The following PEBP4 variants were observed in gnomAD, a reference collection of about 807,000 sequenced individuals.
PEBP4 encodes the protein phosphatidylethanolamine-binding protein 4.
A neutral mutation model predicts 23.9 loss-of-function variants in PEBP4; 22 were observed. The ratio of observed to expected loss-of-function variants is 0.92; its 90% CI spans 0.66 to 1.31. PEBP4 has a LOEUF of 1.31. Among genes scored for constraint, PEBP4 ranks in the 40% most tolerant of loss-of-function variants. PEBP4 has a pLI of 0.00. For synonymous variants in PEBP4, 112 were observed against 99.3 expected, an observed-to-expected ratio of 1.13 and a Z score of -0.76; for missense variants, 324 against 281.7, an observed-to-expected ratio of 1.15 and a Z score of -1.07.
chr8:22,817,765 G>A (rs138181299), intron 3 of PEBP4, 30 bp from the exon 4 acceptor site: 136 of 1,595,050 alleles, frequency 8.5e-5, no homozygotes, highest in Middle Eastern at 3.3e-4. Flanking sequence ...AAGTAATGTA[G>A]CGTCATGGCT....
rs540952901 is a variant in PEBP4 at position 22,747,022 on chromosome 8, C to T, written c.358-19802G>A. On this transcript the variant is annotated intron_variant, in intron 4 of 6. Coordinates refer to ENST00000256404, the MANE Select transcript of PEBP4 (RefSeq NM_144962.3). ...TATAATTTTAAAATTTTTTTAGAGA[C>T]GGGGGTCTCAGCACATTGCCCAGGC... Among the ~76,000 whole-genome samples, 29 of 152,026 alleles carry T rather than the reference C, an allele frequency of 1.9e-4. No individual in the cohort carries two copies. In the East Asian group the frequency reaches 4.2e-3, roughly 22 times the overall value.
Position 22,792,013 on chromosome 8 carries a change from C to T in PEBP4, c.357+25624G>A, listed in dbSNP as rs543953373. On this transcript the variant is annotated intron_variant, in intron 4 of 6. Transcript: ENST00000256404. ...CTGGGACTACAGGCACACACCACCA[C>T]GCCTGGCTAAGAACTTTTTTTTTTT... 7.3e-5 allele frequency among the ~76,000 whole-genome samples: 11 copies of T among 149,792 alleles called. No homozygotes were observed. The South Asian group carries it at 1.1e-3, about 15-fold the overall frequency.
chr8:22,928,007 C>T, upstream of PEBP4: 1 of 372,746 alleles, frequency 2.7e-6, no homozygotes, highest in Non-Finnish European at 4.9e-6. Flanking sequence ...TCCTGGCTGC[C>T]AGGGCAGAGA....
intron 3 of PEBP4, among the ~76,000 whole-genome samples, chr8:22,845,005 G>C (rs1807399763): frequency 6.6e-6 from 1 of 152,182 alleles, no homozygotes; most frequent in Admixed American, 6.5e-5. Flanking sequence ...ATGCAGGCAG[G>C]GCCCCCAGGA....
intron 3 of PEBP4, among the ~76,000 whole-genome samples, chr8:22,862,424 T>G (rs1184931921): frequency 6.6e-6 from 1 of 152,044 alleles, no homozygotes; most frequent in Admixed American, 6.5e-5. Context: ...GGTCCCTGAT[T>G]TCCTCCCTAA....
intron 3 of PEBP4, among the ~76,000 whole-genome samples, chr8:22,898,431 A>AAAAAAAC (rs1563253603): frequency 2.3e-4 from 28 of 123,774 alleles, no homozygotes; most frequent in African/African-American, 5.9e-4. Context: ...AAAAAAAAAA[A>AAAAAAAC]CCCACCCAGT....
At chr8:22,903,504 C>A (rs115908955) in intron 3 of PEBP4, among the ~76,000 whole-genome samples, 2,263 of 152,196 alleles carry the variant, frequency 0.015, 33 homozygotes, top group African/African-American at 0.038. Context: ...CTCTCCTCAC[C>A]CCCAGAGGCA....
intron 4 of PEBP4, among the ~76,000 whole-genome samples, chr8:22,812,678 T>C (rs1322357917): frequency 1.3e-5 from 2 of 152,238 alleles, no homozygotes; most frequent in East Asian, 3.8e-4. Flanking sequence ...CCTCTTCATC[T>C]GAACTTGCAG....
At chr8:22,716,319 G>A (rs1804418580) in intron 6 of PEBP4, among the ~76,000 whole-genome samples, 1 of 152,186 alleles carries the variant, frequency 6.6e-6, no homozygotes, top group African/African-American at 2.4e-5. Flanking sequence ...GGTCAGTGCT[G>A]ATAGGAAAGA....
chr8:22,808,596 G>T (rs1201268080), intron 4 of PEBP4, among the ~76,000 whole-genome samples: 1 of 152,230 alleles, frequency 6.6e-6, no homozygotes, highest in Non-Finnish European at 1.5e-5. Context: ...CAGTCTGGGG[G>T]TGGTAGAGCA....
At chr8:22,833,702 C>T (rs951325486) in intron 3 of PEBP4, among the ~76,000 whole-genome samples, 3 of 152,168 alleles carry the variant, frequency 2.0e-5, no homozygotes, top group South Asian at 2.1e-4. Context: ...TTAAGCTTCA[C>T]GATCGTGATT....
At chr8:22,726,336 G>A (rs1397951312) in intron 5 of PEBP4, among the ~76,000 whole-genome samples, 1 of 152,220 alleles carries the variant, frequency 6.6e-6, no homozygotes, top group African/African-American at 2.4e-5. Flanking sequence ...GTGGGCTGTG[G>A]AGTACACTCC....
chr8:22,932,117 C>T (rs1209609042), upstream of PEBP4, among the ~76,000 whole-genome samples: 1 of 152,152 alleles, frequency 6.6e-6, no homozygotes, highest in Non-Finnish European at 1.5e-5. Flanking sequence ...AAACACTGTG[C>T]TAAGTGAAAG....
intron 4 of PEBP4, among the ~76,000 whole-genome samples, chr8:22,736,776 T>C (rs537880928): frequency 1.9e-4 from 29 of 152,352 alleles, no homozygotes; most frequent in Admixed American, 5.9e-4. Flanking sequence ...ACGCCTCATT[T>C]ATCTGAAGTC....
chr8:22,752,773 G>T (rs1021908699), intron 4 of PEBP4, among the ~76,000 whole-genome samples: 1 of 152,220 alleles, frequency 6.6e-6, no homozygotes, highest in African/African-American at 2.4e-5. Context: ...TCCAGAATTT[G>T]CATAAACTCC....
intron 3 of PEBP4, among the ~76,000 whole-genome samples, chr8:22,819,375 C>T (rs960177310): frequency 2.6e-5 from 4 of 152,174 alleles, no homozygotes; most frequent in Non-Finnish European, 5.9e-5. Flanking sequence ...TCTGATTTGA[C>T]AACTTGGATA....
At chr8:22,737,955 C>A (rs924194685) in intron 4 of PEBP4, among the ~76,000 whole-genome samples, 1 of 151,760 alleles carries the variant, frequency 6.6e-6, no homozygotes, top group African/African-American at 2.4e-5. Flanking sequence ...GGGGAGTAGA[C>A]GGCGTAGGGG....
chr8:22,902,158 A>G (rs1808725369), intron 3 of PEBP4, among the ~76,000 whole-genome samples: 1 of 152,106 alleles, frequency 6.6e-6, no homozygotes, highest in African/African-American at 2.4e-5. Flanking sequence ...TAAAAATACA[A>G]AAATTACTAA....
intron 4 of PEBP4, among the ~76,000 whole-genome samples, chr8:22,815,616 G>T (rs1288386955): frequency 6.6e-6 from 1 of 152,252 alleles, no homozygotes; most frequent in Non-Finnish European, 1.5e-5. Flanking sequence ...GAGGGAAGCA[G>T]TGCAAATGTG....
Sources: allele counts gnomAD v4.1 joint callset (sites outside exome capture counted in the v4.1 genomes callset), GRCh38; gene constraint gnomAD v4.1.1; transcripts MANE v1.5; gene names NCBI Gene and HGNC (gene_info 2026-07-23, HGNC 2026-07-21).